CR1L: variants seen among roughly 807,000 people sequenced by gnomAD.
The protein encoded by CR1L is complement component receptor 1-like protein.
In CR1L, 59 loss-of-function variants were observed where a neutral mutation model predicts 62.3. The ratio of observed to expected loss-of-function variants is 0.95; its 90% CI spans 0.77 to 1.18. The LOEUF is 1.18. Among genes scored for constraint, CR1L ranks in the 50% most tolerant of loss-of-function variants. The probability of loss-of-function intolerance (pLI) is 0.00; values close to 1 mark genes in which losing one functional copy is unlikely to be tolerated. For missense variants in CR1L, 700 were observed against 702.8 expected (o/e 1.00, Z 0.04); for synonymous variants, 279 against 248.7 (o/e 1.12, Z -1.15).
chr1:207,646,031 T>C (rs1217173486), intron 1 of CR1L, among the ~76,000 whole-genome samples: 3 of 151,678 alleles, frequency 2.0e-5, no homozygotes, highest in Non-Finnish European at 4.4e-5. Flanking sequence ...AGAGAGGTGG[T>C]AAGGGCGCAC....
At chr1:207,695,719 GA>G (rs1320516341) in intron 5 of CR1L, among the ~76,000 whole-genome samples, 2 of 152,160 alleles carry the variant, frequency 1.3e-5, no homozygotes, top group African/African-American at 4.8e-5. Context: ...TATACAGGAG[GA>G]ATGACTGAAG....
chr1:207,701,801 G>A, intron 9 of CR1L, 183 bp downstream of exon 9: 1 of 907,094 alleles, frequency 1.1e-6, no homozygotes, highest in South Asian at 1.4e-5. Context: ...CTGTGTCCTT[G>A]CTGGAAACCA....
intron 5 of CR1L, among the ~76,000 whole-genome samples, chr1:207,695,068 A>G (rs1395563995): frequency 2.0e-5 from 3 of 152,206 alleles, no homozygotes; most frequent in African/African-American, 7.2e-5. Flanking sequence ...TACAGGCTAC[A>G]TGTGAATTTT....
chr1:207,685,228 C>G (rs2102463060), intron 4 of CR1L, among the ~76,000 whole-genome samples: 1 of 152,300 alleles, frequency 6.6e-6, no homozygotes, highest in Middle Eastern at 3.4e-3. Flanking sequence ...GGCTGTAAGT[C>G]TTCTTGGAGA....
At chr1:207,694,829 G>A in intron 5 of CR1L, 78 bp downstream of exon 5, 2 of 1,605,124 alleles carry the variant, frequency 1.2e-6, no homozygotes, top group Non-Finnish European at 8.5e-7. Flanking sequence ...TATTTGTTCA[G>A]GGGGAGGGAT....
chr1:207,701,776 G>A (rs1045726476), intron 9 of CR1L, 158 bp downstream of exon 9: 1 of 1,013,934 alleles, frequency 9.9e-7, no homozygotes, highest in Non-Finnish European at 1.5e-6. Flanking sequence ...GATAGGAGAA[G>A]ATTAGGGGAA....
chr1:207,710,850 A>T (rs892407565), intron 10 of CR1L: 18 of 1,399,124 alleles, frequency 1.3e-5, no homozygotes, highest in Non-Finnish European at 1.8e-5. Flanking sequence ...TCAGGAGATG[A>T]GTATTTGTTT....
At chr1:207,710,882 G>A in intron 10 of CR1L, 1 of 1,231,496 alleles carries the variant, frequency 8.1e-7, no homozygotes, top group Non-Finnish European at 1.2e-6. Context: ...TGTATGTTGA[G>A]GAGGGTGGGA....
intron 1 of CR1L, among the ~76,000 whole-genome samples, chr1:207,676,411 AG>A (rs1202165307): frequency 6.6e-6 from 1 of 152,178 alleles, no homozygotes; most frequent in African/African-American, 2.4e-5. Flanking sequence ...ACCTCCTGTC[AG>A]ATCACTGGCA....
At chr1:207,667,388 C>A (rs1243148617) in intron 1 of CR1L, among the ~76,000 whole-genome samples, 1 of 152,144 alleles carries the variant, frequency 6.6e-6, no homozygotes, top group Non-Finnish European at 1.5e-5. Flanking sequence ...ACTAGCATTC[C>A]CTGGCTCATG....
chr1:207,717,745 C>A (rs893523870), intron 11 of CR1L, 54 bp downstream of exon 11: 1 of 1,586,672 alleles, frequency 6.3e-7, no homozygotes. Flanking sequence ...TAGGTGAGAA[C>A]CTTCATATTT....
chr1:207,694,372 C>A lies in CR1L; in HGVS notation c.483C>A (p.Pro161=). The change falls in exon 5 of 12, where the codon CCC becomes CCA. Residue 161 remains proline (P), a synonymous_variant. Coordinates refer to ENST00000508064, the MANE Select transcript of CR1L (RefSeq NM_175710.2). The part of the protein sequence containing the change: ...PVCDRIICGL[P]PTIANGDFTS... ...TCCCAGGAATTATTTGTGGGCTACC[C>A]CCCACCATCGCCAATGGAGATTTCA... 1 of 1,613,970 alleles carries A rather than the reference C, an allele frequency of 6.2e-7. No individual in the cohort carries two copies. Among genetic ancestry groups the A allele is most frequent in the South Asian group, 1.1e-5 (1 of 91,078 alleles).
At chr1:207,669,439 G>A (rs1273377223) in intron 1 of CR1L, 2 of 1,329,902 alleles carry the variant, frequency 1.5e-6, no homozygotes, top group Non-Finnish European at 2.1e-6. Flanking sequence ...GATGTGCTTC[G>A]GGAGGATGGG....
chr1:207,650,917 C>T (rs527459225), intron 1 of CR1L, among the ~76,000 whole-genome samples: 105 of 152,080 alleles, frequency 6.9e-4, no homozygotes, highest in African/African-American at 2.5e-3. Flanking sequence ...TCCCGAGTAG[C>T]TGGGACTACA....
chr1:207,665,645 A>G (rs1015636127), intron 1 of CR1L, among the ~76,000 whole-genome samples: 40 of 151,394 alleles, frequency 2.6e-4, no homozygotes, highest in African/African-American at 8.5e-4. Context: ...CACCCGCCTC[A>G]GCCTCCAAAA....
intron 1 of CR1L, among the ~76,000 whole-genome samples, chr1:207,648,224 GA>G (rs765424533): frequency 0.23 from 23,642 of 100,644 alleles, 2,274 homozygotes; most frequent in Admixed American, 0.38. Context: ...CACACACACA[GA>G]AAAAAAAAAA....
rs568468009 is a variant in CR1L at position 207,692,596 on chromosome 1, T to C, written c.464-1757T>C. Among the ~76,000 whole-genome samples the C allele has an allele frequency of 5.3e-5, 8 of 152,260 alleles. No homozygotes were observed. In the East Asian group the frequency reaches 1.6e-3, roughly 30 times the overall value. On this transcript the variant is annotated intron_variant, in intron 4 of 11. Coordinates refer to ENST00000508064, the MANE Select transcript of CR1L (RefSeq NM_175710.2). ...AGTCGCAGCATGACTGCCTGGAACATGTGCCTGCTTTCTTTAAACTCACCA... is the reference window on the plus strand; with the variant it reads ...AGTCGCAGCATGACTGCCTGGAACACGTGCCTGCTTTCTTTAAACTCACCA...
At chr1:207,713,558 G>C (rs1256303754) in intron 10 of CR1L, among the ~76,000 whole-genome samples, 1 of 152,242 alleles carries the variant, frequency 6.6e-6, no homozygotes, top group Non-Finnish European at 1.5e-5. Context: ...TGCCAGGCTT[G>C]TGCTCTGATG....
chr1:207,697,961 A>G, intron 7 of CR1L, 88 bp downstream of exon 7: 1 of 1,472,446 alleles, frequency 6.8e-7, no homozygotes, highest in East Asian at 2.3e-5. Context: ...GGCTTAAAAA[A>G]AGACAGACAG....
Sources: allele counts gnomAD v4.1 joint callset (sites outside exome capture counted in the v4.1 genomes callset), GRCh38; gene constraint gnomAD v4.1.1; transcripts MANE v1.5; gene names NCBI Gene and HGNC (gene_info 2026-07-23, HGNC 2026-07-21).